The following LRP1B variants were observed in gnomAD, a reference collection of about 807,000 sequenced individuals.
The protein encoded by LRP1B is LDL receptor related protein 1B.
In LRP1B, 217 loss-of-function variants were observed where a neutral mutation model predicts 556.6. That is an observed-to-expected ratio of 0.39 (90% CI 0.35 to 0.44). LRP1B has a LOEUF of 0.44. Among genes scored for constraint, LRP1B ranks in the 20% least tolerant of loss-of-function variants. LRP1B has a pLI of 1.00. For synonymous variants in LRP1B, 2,047 were observed against 1,865.8 expected (o/e 1.10, Z -2.50); for missense variants, 5,053 against 5,620.8 (o/e 0.90, Z 3.23).
chr2:141,186,406 G>C (rs1386649352), intron 7 of LRP1B, among the ~76,000 whole-genome samples: 5 of 152,022 alleles, frequency 3.3e-5, no homozygotes, highest in African/African-American at 9.6e-5. Flanking sequence ...GAAGATAAAG[G>C]AAAAATCTCC....
chr2:141,261,564 A>C (rs547706942), intron 3 of LRP1B, among the ~76,000 whole-genome samples: 1 of 151,964 alleles, frequency 6.6e-6, no homozygotes, highest in Admixed American at 6.6e-5. Flanking sequence ...TTTTTATCTC[A>C]ATGGTTTTGT....
chr2:140,604,628 A>C (rs1447101814), intron 41 of LRP1B, among the ~76,000 whole-genome samples: 1 of 152,128 alleles, frequency 6.6e-6, no homozygotes, highest in African/African-American at 2.4e-5. Flanking sequence ...TATTATTCAT[A>C]GGGAGTCACG....
intron 79 of LRP1B, among the ~76,000 whole-genome samples, chr2:140,327,836 GCTCTGGCCATATTTTGTA>G (rs1331530695): frequency 6.6e-6 from 1 of 151,924 alleles, no homozygotes; most frequent in African/African-American, 2.4e-5. Flanking sequence ...ACTTTTATCA[GCTCTGGCCATATTTTGTA>G]CTATTGGATG....
intron 3 of LRP1B, among the ~76,000 whole-genome samples, chr2:141,289,983 T>A (rs950859149): frequency 1.4e-4 from 22 of 152,310 alleles, no homozygotes; most frequent in Non-Finnish European, 2.4e-4. Context: ...TTCTATCATT[T>A]ATGAATGAAG....
intron 84 of LRP1B, among the ~76,000 whole-genome samples, chr2:140,280,629 C>T (rs1055934013): frequency 6.6e-6 from 1 of 151,668 alleles, no homozygotes; most frequent in African/African-American, 2.4e-5. Context: ...ACAAGTCAAT[C>T]ATAAGGTTAA....
At chr2:141,459,135 G>A (rs192838043) in intron 3 of LRP1B, among the ~76,000 whole-genome samples, 59 of 152,212 alleles carry the variant, frequency 3.9e-4, no homozygotes, top group Admixed American at 2.3e-3. Context: ...AGCTGAAAAA[G>A]CTCCCAGCGA....
rs1490766359 is a variant in LRP1B at position 141,920,288 on chromosome 2, G to A, written c.83-109887C>T. 5.8e-5 allele frequency among the ~76,000 whole-genome samples: 7 copies of A among 120,736 alleles called. 2 individuals carry two copies. The South Asian group carries it at 8.9e-4, about 15-fold the overall frequency. 79.2% of individuals were successfully genotyped at this position (120,736 alleles called of 152,430 possible). A position where few individuals can be genotyped will look rare whatever the true frequency, so the allele number is the denominator to read the frequency against. ...TTTTCTTCTTTTTTTTTGGGGGGGG[G>A]TGGTAGGGATAATCATTTATTTCAA... On this transcript the variant is annotated intron_variant, in intron 1 of 90. Coordinates refer to ENST00000389484, the MANE Select transcript of LRP1B (RefSeq NM_018557.3).
At chr2:141,189,533 G>C (rs1210933218) in intron 6 of LRP1B, among the ~76,000 whole-genome samples, 1 of 151,996 alleles carries the variant, frequency 6.6e-6, no homozygotes, top group African/African-American at 2.4e-5. Flanking sequence ...GCTAATAGGA[G>C]TATACATTCA....
At chr2:141,497,840 CCTGA>C (rs1192792118) in intron 2 of LRP1B, among the ~76,000 whole-genome samples, 7 of 151,822 alleles carry the variant, frequency 4.6e-5, no homozygotes, top group Non-Finnish European at 2.9e-5. Context: ...AGACATTTAA[CCTGA>C]CTTTTAACTT....
intron 3 of LRP1B, among the ~76,000 whole-genome samples, chr2:141,368,888 T>A (rs1689136122): frequency 6.6e-6 from 1 of 152,156 alleles, no homozygotes; most frequent in Non-Finnish European, 1.5e-5. Flanking sequence ...AAAGTTTTTT[T>A]TCTCTAAAGC....
chr2:140,893,813 A>G (rs1693869334), intron 23 of LRP1B, among the ~76,000 whole-genome samples: 1 of 152,158 alleles, frequency 6.6e-6, no homozygotes, highest in South Asian at 2.1e-4. Flanking sequence ...AGATGACTAA[A>G]TGAAGCGACA....
intron 2 of LRP1B, among the ~76,000 whole-genome samples, chr2:141,709,999 G>A (rs904922379): frequency 1.3e-5 from 2 of 151,844 alleles, no homozygotes; most frequent in African/African-American, 4.8e-5. Context: ...AGTTCTTTGG[G>A]GTCAATTTTA....
At chr2:142,005,404 A>C (rs1169254913) in intron 1 of LRP1B, among the ~76,000 whole-genome samples, 1 of 152,130 alleles carries the variant, frequency 6.6e-6, no homozygotes, top group Non-Finnish European at 1.5e-5. Context: ...GTTTTCTCTG[A>C]AGCCCTATGG....
chr2:141,694,428 G>T (rs184057986), intron 2 of LRP1B, among the ~76,000 whole-genome samples: 47 of 152,124 alleles, frequency 3.1e-4, no homozygotes, highest in Middle Eastern at 3.4e-3. Context: ...TGCATAATGT[G>T]CCAAGCTCTG....
At chr2:140,671,950 A>C (rs1416519702) in intron 41 of LRP1B, among the ~76,000 whole-genome samples, 1 of 152,202 alleles carries the variant, frequency 6.6e-6, no homozygotes, top group Non-Finnish European at 1.5e-5. Flanking sequence ...TCAAATCATT[A>C]ATAGCATCAA....
chr2:140,911,157 A>C (rs995993147), intron 21 of LRP1B, among the ~76,000 whole-genome samples: 1 of 151,882 alleles, frequency 6.6e-6, no homozygotes, highest in Non-Finnish European at 1.5e-5. Flanking sequence ...TAAAAAAGGC[A>C]TAGAACTCAG....
At chr2:140,959,692 G>C (rs1695977043) in intron 18 of LRP1B, among the ~76,000 whole-genome samples, 1 of 151,446 alleles carries the variant, frequency 6.6e-6, no homozygotes, top group Non-Finnish European at 1.5e-5. Flanking sequence ...AAATTAATTT[G>C]GTTATATATT....
rs566264937 is a variant in LRP1B at position 140,902,941 on chromosome 2, C to T, written c.3745G>A (p.Gly1249Ser). 7 of 1,613,374 alleles carry T rather than the reference C, an allele frequency of 4.3e-6. No individual in the cohort carries two copies. The African/African-American group carries it at 5.3e-5, about 12-fold the overall frequency. Residue 1249 changes from glycine (G) to serine (S), a missense_variant, in exon 23 of 91, where the codon GGT (glycine) becomes AGT (serine). Physicochemically the swap from Gly to Ser is moderately conservative, Grantham distance 56. Transcript: ENST00000389484. Reference sequence around the variant, plus strand: ...TTACCAACACTTGTACAACTTTCACCGTCTACATCCAGCTTCCAACCTTCA... The same window carrying T: ...TTACCAACACTTGTACAACTTTCACTGTCTACATCCAGCTTCCAACCTTCA... ...CYEGWKLDVD[G>S]ESCTSVDPFE... is the part of the protein sequence containing the mutation.
Position 141,639,898 on chromosome 2 carries a change from A to G in LRP1B, c.206-159365T>C, listed in dbSNP as rs78744100. On this transcript the variant is annotated intron_variant, in intron 2 of 90. Transcript: ENST00000389484. ...TGACATTGCTACAACCTTACACCCTAAGGCCTGCCTTGGTAAACTCACAGG... is the reference window on the plus strand; with the variant it reads ...TGACATTGCTACAACCTTACACCCTGAGGCCTGCCTTGGTAAACTCACAGG... Among the ~76,000 whole-genome samples, 301 of 152,216 alleles carry G rather than the reference A, an allele frequency of 2.0e-3. 15 individuals are homozygous for G. In the East Asian group the frequency reaches 0.056, roughly 28 times the overall value.
Sources: gnomAD v4.1 joint callset for allele counts (sites outside exome capture counted in the v4.1 genomes callset) on GRCh38, gnomAD v4.1.1 for gene constraint, MANE v1.5 for transcripts, NCBI Gene and HGNC (gene_info 2026-07-23, HGNC 2026-07-21) for gene names.